The following MMP28 variants were observed in gnomAD, a reference collection of about 807,000 sequenced individuals.
MMP28 encodes the protein matrix metallopeptidase 28.
A neutral mutation model predicts 60.5 loss-of-function variants in MMP28; 55 were observed. The ratio of observed to expected loss-of-function variants is 0.91; its 90% CI spans 0.73 to 1.14. The LOEUF is 1.14. Among genes scored for constraint, MMP28 ranks in the 50% most tolerant of loss-of-function variants. The pLI is 0.00. For missense variants in MMP28, 686 were observed against 738.3 expected (o/e 0.93, Z 0.82); for synonymous variants, 318 against 312.5 (o/e 1.02, Z -0.18).
chr17:35,760,843 AAT>A, intron 2 of MMP28: 1 of 1,438,334 alleles, frequency 7.0e-7, no homozygotes, highest in Middle Eastern at 1.8e-4. Flanking sequence ...CTTGTGACCT[AAT>A]AGAGGCCCTA....
In MMP28 at chr17:35,766,567, C is replaced by T; in HGVS notation, c.1496G>A (p.Gly499Asp). 6.2e-7 allele frequency: 1 copy of T among 1,611,450 alleles called. No homozygotes were observed. Among genetic ancestry groups the T allele is most frequent in the Non-Finnish European group, 8.5e-7 (1 of 1,179,486 alleles). ...CCAGGGCAGCTCGGTGGCCCAGCGG[C>T]CCGAGGTGGTTGCCTGCAGTTTGGC... ...DQAKLQATTS[G>D]RWATELPWMG... The change falls in exon 8 of 8, where the codon GGC becomes GAC. Residue 499 changes from glycine to aspartate, a missense_variant. Coordinates refer to ENST00000605424, the MANE Select transcript of MMP28 (RefSeq NM_024302.5). The surrounding 1 kb of genome is among the most constrained non-coding windows in gnomAD (Gnocchi z 4.3).
chr17:35,772,367 A>G (rs2086183639), intron 4 of MMP28, among the ~76,000 whole-genome samples: 1 of 152,210 alleles, frequency 6.6e-6, no homozygotes. Flanking sequence ...AGTTACAAAT[A>G]AGTGCATGTG....
chr17:35,766,827 C>T lies in MMP28; in HGVS notation c.1236G>A (p.Gly412=). ...CGGCGTCAGGATGGCGGGGCAGGCC[C>T]CCTGCCCGGCACAGCTGTGGGAGAC... ...VWGLPQLCRA[G]GLPRHPDAAL... is the part of the protein sequence containing the mutation. The change falls in exon 8 of 8, where the codon GGG becomes GGA. Residue 412 remains glycine (G), a synonymous_variant. Coordinates refer to ENST00000605424, the MANE Select transcript of MMP28 (RefSeq NM_024302.5). The surrounding 1 kb of genome is among the most constrained non-coding windows in gnomAD (Gnocchi z 4.3). 6.3e-7 allele frequency: 1 copy of T among 1,574,910 alleles called. No individual in the cohort carries two copies. The highest frequency in any genetic ancestry group is 1.3e-5 in the African/African-American group (1 of 74,234).
chr17:35,795,403 T>A lies in MMP28; in HGVS notation c.-26A>T. 7.2e-7 allele frequency: 1 copy of A among 1,387,058 alleles called. No individual in the cohort carries two copies. The highest frequency in any genetic ancestry group is 3.3e-5 in the Admixed American group (1 of 30,712). The allele number at this position is 1,387,058 out of a possible 1,614,324, so 85.9% of individuals were successfully genotyped here. On this transcript the variant is annotated 5_prime_UTR_variant, in exon 1 of 8. Transcript: ENST00000605424. ...CTCGCCGCCTCCGGTGCAGCCCGGC[T>A]CGGGGAGCTACTGCGCGCAGGGAAC...
At chr17:35,763,838 A>G, downstream of MMP28, 1 of 449,406 alleles carries the variant, frequency 2.2e-6, no homozygotes, top group Non-Finnish European at 3.4e-6. Flanking sequence ...CGGAGGTTGC[A>G]GTGAGCAGAG....
intron 3 of MMP28, among the ~76,000 whole-genome samples, chr17:35,777,201 C>T (rs1210238616): frequency 6.6e-6 from 1 of 152,254 alleles, no homozygotes; most frequent in Non-Finnish European, 1.5e-5. Context: ...ACAGCTGAGA[C>T]TTGAACCCAG....
chr17:35,795,165 C>T, intron 1 of MMP28, 102 bp downstream of exon 1: 1 of 718,432 alleles, frequency 1.4e-6, no homozygotes, highest in Non-Finnish European at 2.0e-6. Flanking sequence ...GGTAGGGTAA[C>T]GCAGATTGTC....
Position 35,765,944 on chromosome 17 carries a change from A to C in MMP28, c.*556T>G. 1.0e-6 allele frequency: 1 copy of C among 985,398 alleles called. No homozygotes were observed. The highest frequency in any genetic ancestry group is 1.2e-6 in the Non-Finnish European group (1 of 829,932). 61.0% of individuals were successfully genotyped at this position (985,398 alleles called of 1,614,324 possible). A position where few individuals can be genotyped will look rare whatever the true frequency, so the allele number is the denominator to read the frequency against. On this transcript the variant is annotated 3_prime_UTR_variant, in exon 8 of 8. Coordinates refer to ENST00000605424, the MANE Select transcript of MMP28 (RefSeq NM_024302.5). ...AAAAGCCAGGGACTGGTAGGCCTGC[A>C]TCAGTCTCCCTCCCACTCTGTGTCC...
At chr17:35,768,104 C>T in intron 6 of MMP28, 126 bp downstream of exon 6, 3 of 1,348,594 alleles carry the variant, frequency 2.2e-6, no homozygotes, top group Admixed American at 2.6e-5. Flanking sequence ...TTGCTACCTG[C>T]AGCGTGCTTG....
rs888569174 is a variant in MMP28 at position 35,795,324 on chromosome 17, G to A, written c.54C>T (p.Gly18=). The change falls in exon 1 of 8, where the codon GGC becomes GGT. Residue 18 remains glycine (G), a synonymous_variant. Coordinates refer to ENST00000605424, the MANE Select transcript of MMP28 (RefSeq NM_024302.5). ...LLRALQLLLW[G]HLDAQPAERG... is the part of the protein sequence containing the mutation. ...GCTCCGCGGGCTGGGCGTCCAGGTG[G>A]CCCCACAGTAGCAGCTGCAGGGCGC... is the stretch of plus-strand genomic sequence containing the variant. 8.2e-6 allele frequency: 12 copies of A among 1,467,688 alleles called. No individual in the cohort carries two copies. The highest frequency in any genetic ancestry group is 9.9e-6 in the Non-Finnish European group (11 of 1,110,852). 90.9% of individuals were successfully genotyped at this position (1,467,688 alleles called of 1,614,324 possible).
chr17:35,767,182 G>A, intron 7 of MMP28: 1 of 664,626 alleles, frequency 1.5e-6, no homozygotes, highest in Admixed American at 2.2e-5. Flanking sequence ...ATAATTCTAT[G>A]AGGGCAAGGA....
rs766255018 is a variant in MMP28 at position 35,768,385 on chromosome 17, T to C, written c.851-6A>G. 3.8e-6 allele frequency: 6 copies of C among 1,592,920 alleles called. No homozygotes were observed. The highest frequency in any genetic ancestry group is 3.5e-4 in the Middle Eastern group (2 of 5,664). ...TGAGCCCCCTAGGGGCTTCCCTTTG[T>C]GAGTAAGGAAATAAGAGAGAGAGAG... On this transcript the variant is annotated splice_polypyrimidine_tract_variant and splice_region_variant and intron_variant, in intron 5 of 7. Coordinates refer to ENST00000605424, the MANE Select transcript of MMP28 (RefSeq NM_024302.5).
chr17:35,793,927 G>A (rs774244107), intron 1 of MMP28, among the ~76,000 whole-genome samples: 1 of 151,998 alleles, frequency 6.6e-6, no homozygotes, highest in African/African-American at 2.4e-5. Context: ...GTGAAACCCC[G>A]TCTTTACTAA....
intron 1 of MMP28, among the ~76,000 whole-genome samples, chr17:35,789,389 C>T (rs72829952): frequency 0.017 from 2,543 of 152,324 alleles, 29 homozygotes; most frequent in Non-Finnish European, 0.026. Flanking sequence ...TGAAGGAACT[C>T]TATGATCACA....
At position 35,782,969 on chromosome 17, in the gene MMP28, G is replaced by A. The variant is rs112244810; in HGVS notation, c.112-3646C>T. Among the ~76,000 whole-genome samples, 1,081 of 152,280 alleles carry A rather than the reference G, an allele frequency of 7.1e-3. 11 individuals carry two copies. Among genetic ancestry groups the A allele is most frequent in the African/African-American group, 0.025 (1,019 of 41,542 alleles). Reference sequence around the variant, plus strand: ...AGCCTCCCGAGTAGCTGGGACTACAGGCACCTGCCACGATGCCCGGCTAAT... The same window carrying A: ...AGCCTCCCGAGTAGCTGGGACTACAAGCACCTGCCACGATGCCCGGCTAAT... On this transcript the variant is annotated intron_variant, in intron 1 of 7. Coordinates refer to ENST00000605424, the MANE Select transcript of MMP28 (RefSeq NM_024302.5).
In MMP28 at chr17:35,770,316, C is replaced by A; in HGVS notation, c.605-4G>T. Reference sequence around the variant, plus strand: ...AAGGCGTGCGCCAGGGCGCCCCCTGCAGGTGGGGCAGAAGGTCAGGGGGTG... The same window carrying A: ...AAGGCGTGCGCCAGGGCGCCCCCTGAAGGTGGGGCAGAAGGTCAGGGGGTG... On this transcript the variant is annotated splice_polypyrimidine_tract_variant and splice_region_variant and intron_variant, in intron 4 of 7. Coordinates refer to ENST00000605424, the MANE Select transcript of MMP28 (RefSeq NM_024302.5). 6.7e-7 allele frequency: 1 copy of A among 1,500,196 alleles called. No homozygotes were observed. The allele number at this position is 1,500,196 out of a possible 1,614,324, so 92.9% of individuals were successfully genotyped here.
Position 35,784,070 on chromosome 17 carries a change from CAGG to C in MMP28, c.112-4750_112-4748del, listed in dbSNP as rs769547789. Among the ~76,000 whole-genome samples the C allele has an allele frequency of 3.3e-5, 5 of 152,200 alleles. No homozygotes were observed. The East Asian group carries it at 9.7e-4, about 29-fold the overall frequency. On this transcript the variant is annotated intron_variant, in intron 1 of 7. Coordinates refer to ENST00000605424, the MANE Select transcript of MMP28 (RefSeq NM_024302.5). The stretch of plus-strand genomic sequence containing the variant: ...CCGAGGCAGGTGGATCACTTGAGGG[CAGG>C]AGTTCAAGGCCAGCCTGGCTAACAC...
chr17:35,795,116 G>T, intron 1 of MMP28, 151 bp downstream of exon 1: 1 of 493,858 alleles, frequency 2.0e-6, no homozygotes, highest in Non-Finnish European at 3.3e-6. Context: ...AAAACTGCCC[G>T]GCTCTTTATG....
intron 1 of MMP28, 114 bp downstream of exon 1, chr17:35,795,153 G>T: frequency 1.6e-6 from 1 of 641,474 alleles, no homozygotes; most frequent in Non-Finnish European, 2.4e-6. Flanking sequence ...GCGGAGGACA[G>T]GGGTAGGGTA....
Sources: gnomAD v4.1 joint callset for allele counts (sites outside exome capture counted in the v4.1 genomes callset) on GRCh38, gnomAD v4.1.1 for gene constraint, Gnocchi (gnomAD v3.1) non-coding constraint, MANE v1.5 for transcripts, NCBI Gene and HGNC (gene_info 2026-07-23, HGNC 2026-07-21) for gene names.